Variants in TNFSF4 observed in about 807,000 individuals in gnomAD.
The protein encoded by TNFSF4 is TNF superfamily member 4.
In TNFSF4, 4 loss-of-function variants were observed where a neutral mutation model predicts 7.3. That is an observed-to-expected ratio of 0.55 (90% CI 0.27 to 1.25). TNFSF4 has a LOEUF of 1.25. Among genes scored for constraint, TNFSF4 ranks in the 50% most tolerant of loss-of-function variants. The pLI, the probability that TNFSF4 is intolerant of heterozygous loss-of-function variation, is 0.12. For missense variants in TNFSF4, 181 were observed against 208.8 expected, an observed-to-expected ratio of 0.87 and a Z score of 0.82; for synonymous variants, 76 against 83.7, an observed-to-expected ratio of 0.91 and a Z score of 0.50.
chr1:173,363,141 G>C, the TNFSF4 span: 6 of 288,514 alleles, frequency 2.1e-5, no homozygotes, highest in South Asian at 2.2e-4. Flanking sequence ...CTTTCTGCAA[G>C]GGCCTGCACT....
chr1:173,438,900 C>T, the TNFSF4 span, among the ~76,000 whole-genome samples: 1 of 152,108 alleles, frequency 6.6e-6, no homozygotes, highest in East Asian at 1.9e-4. Flanking sequence ...CTTCATGTAC[C>T]CACCATGTGG....
chr1:173,412,425 T>C, the TNFSF4 span, among the ~76,000 whole-genome samples: 1 of 152,204 alleles, frequency 6.6e-6, no homozygotes, highest in Non-Finnish European at 1.5e-5. Context: ...AAAGATTTTC[T>C]AAACAGAACA....
chr1:173,372,538 T>C, the TNFSF4 span, among the ~76,000 whole-genome samples: 75 of 152,146 alleles, frequency 4.9e-4, 2 homozygotes, highest in South Asian at 2.1e-4. Context: ...AGTAAGGAAA[T>C]TGATGTAGTA....
the TNFSF4 span, among the ~76,000 whole-genome samples, chr1:173,346,948 T>C: frequency 6.6e-6 from 1 of 152,212 alleles, no homozygotes; most frequent in Non-Finnish European, 1.5e-5. Flanking sequence ...AAACAATAAC[T>C]AGTATTCAAG....
At chr1:173,368,842 C>T in the TNFSF4 span, among the ~76,000 whole-genome samples, 3 of 152,186 alleles carry the variant, frequency 2.0e-5, no homozygotes, top group Non-Finnish European at 4.4e-5. Context: ...CCTCCCACCT[C>T]TCTTCTCCAA....
chr1:173,243,000 TGGGTGGGGGG>T, the TNFSF4 span, among the ~76,000 whole-genome samples: 1 of 5,410 alleles, frequency 1.8e-4, no homozygotes, highest in African/African-American at 7.8e-4. Context: ...AAGAAGTTGG[TGGGTGGGGGG>T]GGGGGGGGAG....
chr1:173,446,085 AG>A, the TNFSF4 span, among the ~76,000 whole-genome samples: 1 of 152,226 alleles, frequency 6.6e-6, no homozygotes, highest in Non-Finnish European at 1.5e-5. Context: ...AACCAATAAA[AG>A]TTTACTAATT....
chr1:173,268,324 C>T, the TNFSF4 span, among the ~76,000 whole-genome samples: 1 of 151,938 alleles, frequency 6.6e-6, no homozygotes, highest in Non-Finnish European at 1.5e-5. Context: ...CTTCTAATAC[C>T]ATCTGATGTG....
the TNFSF4 span, among the ~76,000 whole-genome samples, chr1:173,238,159 A>G: frequency 6.6e-6 from 1 of 152,250 alleles, no homozygotes; most frequent in Non-Finnish European, 1.5e-5. Context: ...CAATGGTAAA[A>G]GGATTTCCTA....
chr1:173,252,970 A>G, the TNFSF4 span, among the ~76,000 whole-genome samples: 2 of 152,214 alleles, frequency 1.3e-5, no homozygotes, highest in South Asian at 4.1e-4. Context: ...GGGCTCAGCC[A>G]TGGTCAAACT....
chr1:173,364,544 A>G, the TNFSF4 span, among the ~76,000 whole-genome samples: 1 of 152,066 alleles, frequency 6.6e-6, no homozygotes, highest in Non-Finnish European at 1.5e-5. Flanking sequence ...TTACTTCTGT[A>G]TTATAATTTT....
At chr1:173,268,381 A>G in the TNFSF4 span, among the ~76,000 whole-genome samples, 187 of 152,284 alleles carry the variant, frequency 1.2e-3, 1 homozygote, top group Non-Finnish European at 1.4e-3. Context: ...TATATCTAGA[A>G]GCAGAAGAAG....
the TNFSF4 span, among the ~76,000 whole-genome samples, chr1:173,261,426 C>T: frequency 5.9e-5 from 9 of 151,790 alleles, no homozygotes; most frequent in Admixed American, 2.6e-4. Flanking sequence ...AATGAAAGAA[C>T]GAAGAGCAAA....
At chr1:173,389,896 CTTT>C in the TNFSF4 span, among the ~76,000 whole-genome samples, 1 of 151,946 alleles carries the variant, frequency 6.6e-6, no homozygotes, top group Non-Finnish European at 1.5e-5. Flanking sequence ...CTTTGTTTCT[CTTT>C]TTTTATTCCT....
chr1:173,232,358 T>G, the TNFSF4 span, among the ~76,000 whole-genome samples: 1 of 152,192 alleles, frequency 6.6e-6, no homozygotes, highest in Non-Finnish European at 1.5e-5. Flanking sequence ...TCAGCTTAAG[T>G]AGATTTTGGG....
At chr1:173,368,330 T>C in the TNFSF4 span, among the ~76,000 whole-genome samples, 6 of 152,280 alleles carry the variant, frequency 3.9e-5, no homozygotes, top group Admixed American at 2.0e-4. Context: ...CAAAGGTCCA[T>C]GGTTCCATTC....
the TNFSF4 span, among the ~76,000 whole-genome samples, chr1:173,334,833 C>T: frequency 1.3e-5 from 2 of 152,160 alleles, no homozygotes; most frequent in African/African-American, 4.8e-5. Context: ...AGGGGACCCA[C>T]TCCCACCACC....
the TNFSF4 span, among the ~76,000 whole-genome samples, chr1:173,331,131 C>T: frequency 3.3e-5 from 5 of 152,194 alleles, no homozygotes; most frequent in Non-Finnish European, 5.9e-5. Flanking sequence ...GTGATCCACC[C>T]GCCTTGGCCT....
intron 1 of TNFSF4, among the ~76,000 whole-genome samples, chr1:173,194,125 A>G (rs779044993): frequency 6.6e-6 from 1 of 152,228 alleles, no homozygotes; most frequent in Admixed American, 6.5e-5. Context: ...TTTATCTTCA[A>G]CCACACCCTG....
Sources: allele counts gnomAD v4.1 joint callset (sites outside exome capture counted in the v4.1 genomes callset), GRCh38; gene constraint gnomAD v4.1.1; transcripts MANE v1.5; gene names NCBI Gene and HGNC (gene_info 2026-07-23, HGNC 2026-07-21).